The following MALRD1 variants were observed in gnomAD, a reference collection of about 807,000 sequenced individuals.
MALRD1 encodes the protein MAM and LDL receptor class A domain containing 1.
Under a neutral mutation model 242.1 loss-of-function variants are expected in MALRD1, and 247 were observed. The observed-to-expected ratio is 1.02, with a 90% CI of 0.92 to 1.13. The LOEUF is 1.13. Among genes scored for constraint, MALRD1 ranks in the 50% most tolerant of loss-of-function variants. The probability of loss-of-function intolerance (pLI) is 0.00; values close to 1 mark genes in which losing one functional copy is unlikely to be tolerated. For synonymous variants in MALRD1, 995 were observed against 866.6 expected (o/e 1.15, Z -2.60); for missense variants, 2,989 against 2,533.1 (o/e 1.18, Z -3.86).
intron 36 of MALRD1, among the ~76,000 whole-genome samples, chr10:19,651,489 C>T (rs192281580): frequency 7.2e-5 from 11 of 152,176 alleles, no homozygotes; most frequent in East Asian, 1.9e-4. Context: ...AAAAGCATAA[C>T]GTGAAAAAGC....
chr10:19,648,021 GCTGGAGCTA>G (rs371817906), intron 36 of MALRD1, among the ~76,000 whole-genome samples: 32 of 152,266 alleles, frequency 2.1e-4, no homozygotes, highest in African/African-American at 7.7e-4. Flanking sequence ...GACTAGGGAA[GCTGGAGCTA>G]CTGGAATTTG....
At chr10:19,433,158 G>A (rs1834213086) in intron 28 of MALRD1, among the ~76,000 whole-genome samples, 1 of 152,140 alleles carries the variant, frequency 6.6e-6, no homozygotes, top group South Asian at 2.1e-4. Context: ...TCATACCAGG[G>A]AAAACTGTAT....
At chr10:19,435,603 G>A (rs1834323160) in intron 28 of MALRD1, among the ~76,000 whole-genome samples, 1 of 152,116 alleles carries the variant, frequency 6.6e-6, no homozygotes, top group African/African-American at 2.4e-5. Flanking sequence ...ATATGTTGGA[G>A]AATAAGACCA....
At chr10:19,248,120 GA>G (rs2131773992) in intron 18 of MALRD1, among the ~76,000 whole-genome samples, 1 of 152,132 alleles carries the variant, frequency 6.6e-6, no homozygotes, top group East Asian at 1.9e-4. Flanking sequence ...TCGGTTACAA[GA>G]GTATACTCTT....
At chr10:19,072,770 A>G (rs1310876192) in intron 2 of MALRD1, among the ~76,000 whole-genome samples, 1 of 152,128 alleles carries the variant, frequency 6.6e-6, no homozygotes, top group East Asian at 1.9e-4. Context: ...CATGTATCTG[A>G]ACTTTCAATT....
At chr10:19,210,425 TCA>T (rs1204980504) in intron 18 of MALRD1, among the ~76,000 whole-genome samples, 2 of 152,208 alleles carry the variant, frequency 1.3e-5, no homozygotes, top group African/African-American at 2.4e-5. Context: ...GGACCAGAAC[TCA>T]CAGTTTGTGA....
At chr10:19,567,467 A>G in intron 32 of MALRD1, 35 bp from the exon 33 acceptor site, 1 of 1,525,998 alleles carries the variant, frequency 6.6e-7, no homozygotes, top group Non-Finnish European at 8.9e-7. Context: ...TCTAATATCC[A>G]ATCATAAAAA....
intron 36 of MALRD1, among the ~76,000 whole-genome samples, chr10:19,652,397 T>C (rs1321043246): frequency 1.3e-5 from 2 of 152,180 alleles, no homozygotes; most frequent in Non-Finnish European, 2.9e-5. Flanking sequence ...TGCTCGAGTA[T>C]GTGGCCCATA....
rs368587318 is a variant in MALRD1 at position 19,491,349 on chromosome 10, A to G, written c.5030-168A>G. 2.6e-4 allele frequency: 207 copies of G among 810,204 alleles called. 3 individuals are homozygous for G. In the South Asian group the frequency reaches 3.1e-3, roughly 12 times the overall value. 50.2% of individuals were successfully genotyped at this position (810,204 alleles called of 1,614,324 possible). ...TAGAGTCTATATAACTTGCTGAACC[A>G]TTGAAGGTGGGACTGAGAAAGAGGA... is the stretch of plus-strand genomic sequence containing the variant. On this transcript the variant is annotated intron_variant, in intron 29 of 39. Transcript: ENST00000454679.
rs1844409676 is a variant in MALRD1, at chr10:19,352,155, T to C, written c.4299T>C (p.Asp1433=). ...WRREELSLFG[D]EDFQLKFEGR... The stretch of plus-strand genomic sequence containing the variant: ...GAGAAGAACTGTCACTGTTTGGTGA[T>C]GAAGACTTCCAACTCAAATTTGAAG... The change falls in exon 26 of 40, where the codon GAT becomes GAC. Residue 1433 remains aspartate (D), a synonymous_variant. Transcript: ENST00000454679. 1 of 1,550,630 alleles carries C rather than the reference T, an allele frequency of 6.4e-7. No homozygotes were observed. Among genetic ancestry groups the C allele is most frequent in the Middle Eastern group, 1.7e-4 (1 of 5,996 alleles).
chr10:19,293,259 A>C (rs992852517), intron 21 of MALRD1, among the ~76,000 whole-genome samples: 1 of 150,730 alleles, frequency 6.6e-6, no homozygotes, highest in Non-Finnish European at 1.5e-5. Flanking sequence ...TGAAATTTAA[A>C]TCAACTGTAG....
At chr10:19,122,609 T>A (rs1404369465) in intron 5 of MALRD1, among the ~76,000 whole-genome samples, 1 of 152,000 alleles carries the variant, frequency 6.6e-6, no homozygotes. Context: ...GAGTCAAAGC[T>A]TGGGTATTTA....
Position 19,597,826 on chromosome 10 carries a change from A to T in MALRD1, c.5944+2369A>T, listed in dbSNP as rs74570556. ...GGTGCTAGGGATTCTTTACATTTTCACAAGAGTAGTGATTACACAGCCAAA... is the reference window on the plus strand; with the variant it reads ...GGTGCTAGGGATTCTTTACATTTTCTCAAGAGTAGTGATTACACAGCCAAA... On this transcript the variant is annotated intron_variant, in intron 34 of 39. Transcript: ENST00000454679. Among the ~76,000 whole-genome samples the T allele has an allele frequency of 5.4e-4, 83 of 152,328 alleles. 3 individuals carry two copies. In the East Asian group the frequency reaches 0.014, roughly 27 times the overall value.
chr10:19,588,478 A>T (rs1837565024), intron 33 of MALRD1, among the ~76,000 whole-genome samples: 1 of 152,188 alleles, frequency 6.6e-6, no homozygotes. Flanking sequence ...ATTTTGAGGA[A>T]AACCTGAGTA....
intron 31 of MALRD1, among the ~76,000 whole-genome samples, chr10:19,505,523 C>G (rs1833082512): frequency 6.6e-6 from 1 of 152,162 alleles, no homozygotes; most frequent in Admixed American, 6.5e-5. Context: ...CTCCTGGCAC[C>G]TTGGTCTTGG....
chr10:19,635,713 T>A (rs1840098591), intron 36 of MALRD1, among the ~76,000 whole-genome samples: 1 of 152,182 alleles, frequency 6.6e-6, no homozygotes, highest in Non-Finnish European at 1.5e-5. Context: ...ATAAAATATC[T>A]GAGAATATTT....
intron 28 of MALRD1, among the ~76,000 whole-genome samples, chr10:19,437,960 T>G (rs553962827): frequency 6.6e-6 from 1 of 152,256 alleles, no homozygotes; most frequent in East Asian, 1.9e-4. Flanking sequence ...TGGTAGTTTC[T>G]TTTTGAGAAC....
intron 21 of MALRD1, among the ~76,000 whole-genome samples, chr10:19,302,043 A>T (rs951442129): frequency 1.3e-5 from 2 of 151,882 alleles, no homozygotes; most frequent in Non-Finnish European, 2.9e-5. Flanking sequence ...GAAAATTCAA[A>T]TCAAAACCAG....
intron 29 of MALRD1, among the ~76,000 whole-genome samples, chr10:19,483,347 A>G (rs1837097138): frequency 6.6e-6 from 1 of 152,184 alleles, no homozygotes; most frequent in South Asian, 2.1e-4. Flanking sequence ...AGCAAAAGAA[A>G]CTATCAACAG....
Sources: gnomAD v4.1 joint callset for allele counts (sites outside exome capture counted in the v4.1 genomes callset) on GRCh38, gnomAD v4.1.1 for gene constraint, MANE v1.5 for transcripts, NCBI Gene and HGNC (gene_info 2026-07-23, HGNC 2026-07-21) for gene names.